PEX14: variants seen among roughly 807,000 people sequenced by gnomAD.
PEX14 encodes the protein peroxisomal membrane protein PEX14.
A neutral mutation model predicts 49.5 loss-of-function variants in PEX14; 15 were observed. The ratio of observed to expected loss-of-function variants is 0.30; its 90% CI spans 0.20 to 0.47. The LOEUF is 0.47. PEX14 is among the 20% of genes least tolerant of loss of function. The probability of loss-of-function intolerance (pLI) is 1.00; values close to 1 mark genes in which losing one functional copy is unlikely to be tolerated. For missense variants in PEX14, 398 were observed against 494.8 expected (o/e 0.80, Z 1.86); for synonymous variants, 210 against 212.7 (o/e 0.99, Z 0.11).
At chr1:10,621,492 A>C (rs557866035) in intron 5 of PEX14, among the ~76,000 whole-genome samples, 1 of 152,178 alleles carries the variant, frequency 6.6e-6, no homozygotes, top group African/African-American at 2.4e-5. Flanking sequence ...GATTACAGGC[A>C]TGCGCCACCA....
intron 2 of PEX14, among the ~76,000 whole-genome samples, chr1:10,509,186 G>A (rs1394715517): frequency 1.3e-5 from 2 of 152,006 alleles, no homozygotes; most frequent in Non-Finnish European, 2.9e-5. Context: ...CTGACCTCAT[G>A]ATCCGCCTGC....
chr1:10,612,649 T>C (rs915158948), intron 4 of PEX14, among the ~76,000 whole-genome samples: 1 of 152,176 alleles, frequency 6.6e-6, no homozygotes, highest in African/African-American at 2.4e-5. Flanking sequence ...GCCATGTGCT[T>C]CAGGGCCCAC....
chr1:10,522,196 G>T (rs1208789859), intron 2 of PEX14, among the ~76,000 whole-genome samples: 1 of 152,232 alleles, frequency 6.6e-6, no homozygotes, highest in African/African-American at 2.4e-5. Context: ...AGTGAGGCCA[G>T]TGTTCACCTT....
intron 1 of PEX14, among the ~76,000 whole-genome samples, chr1:10,489,849 C>G (rs1330496234): frequency 2.0e-5 from 3 of 152,168 alleles, no homozygotes; most frequent in South Asian, 2.1e-4. Context: ...ATTTTAGGGC[C>G]CAAGTAATTT....
At chr1:10,532,939 A>G (rs1213125570) in intron 2 of PEX14, among the ~76,000 whole-genome samples, 1 of 152,180 alleles carries the variant, frequency 6.6e-6, no homozygotes, top group Non-Finnish European at 1.5e-5. Flanking sequence ...TTAGTGTGTG[A>G]AGATGTTAGC....
chr1:10,618,573 G>T (rs926815192), intron 5 of PEX14, among the ~76,000 whole-genome samples, 156 bp downstream of exon 5: 2 of 152,212 alleles, frequency 1.3e-5, no homozygotes, highest in Non-Finnish European at 2.9e-5. Flanking sequence ...TTCACAGCTG[G>T]ATCCAGGCAG....
chr1:10,618,431 A>T lies in PEX14; in HGVS notation c.384+14A>T, dbSNP rs284238. 227,509 of 1,599,916 alleles carry T rather than the reference A, an allele frequency of 0.14. 18,358 individuals are homozygous for T. The highest frequency in any genetic ancestry group is 0.31 in the African/African-American group (23,510 of 74,700). ...CAGCTCTACAAGGTGAGTCACCCCCAGCGGCTGCAGGTGCTGTGCCCCTGC... is the reference window on the plus strand; with the variant it reads ...CAGCTCTACAAGGTGAGTCACCCCCTGCGGCTGCAGGTGCTGTGCCCCTGC... On this transcript the variant is annotated intron_variant, in intron 5 of 8. Transcript: ENST00000356607.
At chr1:10,556,100 C>T (rs574333133) in intron 3 of PEX14, among the ~76,000 whole-genome samples, 1 of 152,250 alleles carries the variant, frequency 6.6e-6, no homozygotes, top group South Asian at 2.1e-4. Context: ...CTTCTGCAGG[C>T]ACCGTCTGCC....
chr1:10,516,450 C>T (rs1226495290), intron 2 of PEX14, among the ~76,000 whole-genome samples: 3 of 152,178 alleles, frequency 2.0e-5, no homozygotes, highest in Non-Finnish European at 2.9e-5. Context: ...TATCAGATGG[C>T]GGTGACTGAA....
chr1:10,516,767 T>C (rs933606139), intron 2 of PEX14, among the ~76,000 whole-genome samples: 1 of 152,216 alleles, frequency 6.6e-6, no homozygotes. Context: ...GGAAAACCAG[T>C]ACTTTAAAAA....
intron 3 of PEX14, among the ~76,000 whole-genome samples, chr1:10,546,563 CAAAAAAA>C (rs35214823): frequency 2.3e-4 from 11 of 47,772 alleles, no homozygotes; most frequent in Middle Eastern, 0.024. Flanking sequence ...GACTCTGTTT[CAAAAAAA>C]AAAAAAAAAA....
In PEX14 at chr1:10,485,299, G is replaced by T. The variant is rs1239764239; in HGVS notation, c.37-9975G>T. Among the ~76,000 whole-genome samples the T allele has an allele frequency of 7.9e-5, 8 of 100,720 alleles. No individual in the cohort carries two copies. The South Asian group carries it at 1.2e-3, about 16-fold the overall frequency. 66.1% of individuals were successfully genotyped at this position (100,720 alleles called of 152,430 possible). A position where few individuals can be genotyped will look rare whatever the true frequency, so the allele number is the denominator to read the frequency against. ...GTGTAGTGTTATTTATTTGTGTGTG[G>T]TTTTTTTTTTTTTTTTTTTTTTTTA... On this transcript the variant is annotated intron_variant, in intron 1 of 8. Coordinates refer to ENST00000356607, the MANE Select transcript of PEX14 (RefSeq NM_004565.3).
At chr1:10,569,537 G>A (rs1181881946) in intron 3 of PEX14, among the ~76,000 whole-genome samples, 2 of 152,164 alleles carry the variant, frequency 1.3e-5, no homozygotes, top group Non-Finnish European at 2.9e-5. Context: ...TCTCTATCCT[G>A]TGGTTGAGTT....
chr1:10,597,038 C>T lies in PEX14; in HGVS notation c.170-2200C>T, dbSNP rs902005684. ...CCAGAGGGCAGAACTGCGGGCAGGG[C>T]GTCCTGTCCCTTTAACCAGCTCCGG... On this transcript the variant is annotated intron_variant, in intron 3 of 8. Coordinates refer to ENST00000356607, the MANE Select transcript of PEX14 (RefSeq NM_004565.3). This position sits in a 1 kb window ranked among gnomAD's most constrained non-coding sequence, Gnocchi z 5.7. Among the ~76,000 whole-genome samples the T allele has an allele frequency of 6.6e-6, 1 of 152,222 alleles. No homozygotes were observed. The highest frequency in any genetic ancestry group is 1.5e-5 in the Non-Finnish European group (1 of 68,034).
At chr1:10,476,561 C>T (rs1034703244) in intron 1 of PEX14, among the ~76,000 whole-genome samples, 4 of 152,096 alleles carry the variant, frequency 2.6e-5, no homozygotes, top group South Asian at 2.1e-4. Flanking sequence ...AGTGCATTGG[C>T]GCAATCTCGG....
chr1:10,567,861 G>C (rs1639852399), intron 3 of PEX14, among the ~76,000 whole-genome samples: 1 of 151,888 alleles, frequency 6.6e-6, no homozygotes. Flanking sequence ...AAACTCCTGG[G>C]CTCAAGTGAT....
At position 10,576,165 on chromosome 1, in the gene PEX14, G is replaced by A. The variant is rs962863304; in HGVS notation, c.170-23073G>A. Among the ~76,000 whole-genome samples, 7 of 151,726 alleles carry A rather than the reference G, an allele frequency of 4.6e-5. 1 individual carries two copies. Among genetic ancestry groups the A allele is most frequent in the South Asian group, 4.2e-4 (2 of 4,818 alleles). ...CATGTTTGCAAACATTTTCCCCACCGTTCCTTGCCTTTTATATTTTTTAAT... is the reference window on the plus strand; with the variant it reads ...CATGTTTGCAAACATTTTCCCCACCATTCCTTGCCTTTTATATTTTTTAAT... On this transcript the variant is annotated intron_variant, in intron 3 of 8. Coordinates refer to ENST00000356607, the MANE Select transcript of PEX14 (RefSeq NM_004565.3).
chr1:10,513,757 CTA>C (rs1425340785), intron 2 of PEX14, among the ~76,000 whole-genome samples: 1 of 152,122 alleles, frequency 6.6e-6, no homozygotes, highest in African/African-American at 2.4e-5. Context: ...TAGCTGGCTG[CTA>C]TATTGATTGC....
chr1:10,589,425 G>A (rs1424970814), intron 3 of PEX14, among the ~76,000 whole-genome samples: 1 of 152,178 alleles, frequency 6.6e-6, no homozygotes, highest in African/African-American at 2.4e-5. Context: ...CTCCCCTTCT[G>A]AGCAAGTGTA....
Sources: gnomAD v4.1 joint callset for allele counts (sites outside exome capture counted in the v4.1 genomes callset) on GRCh38, gnomAD v4.1.1 for gene constraint, Gnocchi (gnomAD v3.1) non-coding constraint, MANE v1.5 for transcripts, NCBI Gene and HGNC (gene_info 2026-07-23, HGNC 2026-07-21) for gene names.